Variants in FHIT observed in about 807,000 individuals in gnomAD.
FHIT encodes bis(5'-adenosyl)-triphosphatase.
Under a neutral mutation model 17.9 loss-of-function variants are expected in FHIT, and 19 were observed. That is an observed-to-expected ratio of 1.06 (90% CI 0.74 to 1.56). FHIT has a LOEUF of 1.56. Ranked by LOEUF, FHIT falls within the 40% of genes most tolerant of loss-of-function variation. The pLI is 0.00. For synonymous variants in FHIT, 81 were observed against 69.7 expected, an observed-to-expected ratio of 1.16 and a Z score of -0.81; for missense variants, 248 against 189.2, an observed-to-expected ratio of 1.31 and a Z score of -1.82.
At chr3:60,549,185 AC>A (rs960991167) in intron 4 of FHIT, among the ~76,000 whole-genome samples, 1 of 152,206 alleles carries the variant, frequency 6.6e-6, no homozygotes, top group African/African-American at 2.4e-5. Context: ...AATGCTTATC[AC>A]AAAAATGGTA....
chr3:59,753,281 T>C (rs1701018686), intron 8 of FHIT, among the ~76,000 whole-genome samples: 1 of 152,156 alleles, frequency 6.6e-6, no homozygotes. Context: ...AGAGATTAAA[T>C]GAGAAAACAA....
intron 2 of FHIT, among the ~76,000 whole-genome samples, chr3:61,093,341 A>C (rs1014865735): frequency 6.6e-6 from 1 of 152,180 alleles, no homozygotes; most frequent in Non-Finnish European, 1.5e-5. Context: ...GACATTTGGC[A>C]AGGTCTGGAG....
intron 4 of FHIT, among the ~76,000 whole-genome samples, chr3:60,647,601 G>A (rs985903844): frequency 6.6e-6 from 1 of 152,072 alleles, no homozygotes; most frequent in Non-Finnish European, 1.5e-5. Flanking sequence ...ATAGTCCCCT[G>A]CTCAAAATAA....
chr3:60,628,867 T>A (rs1386868018), intron 4 of FHIT, among the ~76,000 whole-genome samples: 1 of 152,184 alleles, frequency 6.6e-6, no homozygotes, highest in Non-Finnish European at 1.5e-5. Flanking sequence ...GCTCCAGAGC[T>A]GGCAGGCAGA....
intron 4 of FHIT, among the ~76,000 whole-genome samples, chr3:60,807,974 G>A (rs1018445737): frequency 3.3e-5 from 5 of 152,228 alleles, no homozygotes; most frequent in African/African-American, 1.2e-4. Context: ...CTGAAACTGG[G>A]GACCTCATAG....
At chr3:60,887,507 G>A (rs1287886048) in intron 3 of FHIT, among the ~76,000 whole-genome samples, 12 of 151,958 alleles carry the variant, frequency 7.9e-5, no homozygotes, top group Non-Finnish European at 1.6e-4. Context: ...TTAGCCAGGC[G>A]TGGTGGCACA....
chr3:60,551,410 C>T (rs2036542353), intron 4 of FHIT, among the ~76,000 whole-genome samples: 1 of 124,590 alleles, frequency 8.0e-6, no homozygotes, highest in African/African-American at 3.2e-5. Flanking sequence ...CCCTTAAGAA[C>T]AGGACTTCAA....
intron 4 of FHIT, among the ~76,000 whole-genome samples, chr3:60,649,125 C>T (rs190434049): frequency 1.3e-5 from 2 of 152,144 alleles, no homozygotes; most frequent in Admixed American, 6.5e-5. Context: ...CGGCCGGGCG[C>T]GGTGGCTCAC....
At chr3:60,987,937 G>A (rs1000717967) in intron 3 of FHIT, among the ~76,000 whole-genome samples, 1 of 152,092 alleles carries the variant, frequency 6.6e-6, no homozygotes, top group Admixed American at 6.6e-5. Context: ...CAAACATTAG[G>A]CTCTGCCTTC....
At chr3:60,768,374 C>T (rs1699922515) in intron 4 of FHIT, among the ~76,000 whole-genome samples, 1 of 152,036 alleles carries the variant, frequency 6.6e-6, no homozygotes. Flanking sequence ...CTAGAAGGTC[C>T]CCACTGTGGA....
chr3:60,478,768 GAACA>G (rs1205199854), intron 5 of FHIT, among the ~76,000 whole-genome samples: 5 of 152,018 alleles, frequency 3.3e-5, no homozygotes, highest in African/African-American at 9.7e-5. Context: ...TTGCACAAAT[GAACA>G]AATACATGAA....
chr3:60,252,490 G>T (rs9838705), intron 5 of FHIT, among the ~76,000 whole-genome samples: 3 of 152,088 alleles, frequency 2.0e-5, no homozygotes, highest in African/African-American at 4.8e-5. Context: ...TTGAGCATAG[G>T]GGGGTCAAGG....
intron 5 of FHIT, among the ~76,000 whole-genome samples, chr3:60,423,784 T>C (rs904837290): frequency 6.6e-6 from 1 of 152,138 alleles, no homozygotes; most frequent in African/African-American, 2.4e-5. Flanking sequence ...CTAATGTGGC[T>C]TTTCAGGGCA....
intron 5 of FHIT, among the ~76,000 whole-genome samples, chr3:60,418,557 CTT>C (rs11452248): frequency 1.6e-3 from 152 of 95,216 alleles, no homozygotes; most frequent in African/African-American, 5.7e-3. Context: ...TCCCTCCCAA[CTT>C]TTTTTTTTTT....
chr3:60,007,239 A>G (rs554138429), intron 7 of FHIT, among the ~76,000 whole-genome samples: 2 of 152,338 alleles, frequency 1.3e-5, no homozygotes, highest in South Asian at 2.1e-4. Context: ...CATCGCTTCT[A>G]AAGAAATGAA....
chr3:61,035,714 C>T (rs2033205650), intron 3 of FHIT, among the ~76,000 whole-genome samples: 9 of 152,112 alleles, frequency 5.9e-5, no homozygotes, highest in Admixed American at 5.9e-4. Context: ...CCATAAATGA[C>T]ATAACATCTC....
At chr3:60,939,251 C>G (rs1231916518) in intron 3 of FHIT, among the ~76,000 whole-genome samples, 3 of 152,188 alleles carry the variant, frequency 2.0e-5, no homozygotes, top group African/African-American at 7.2e-5. Flanking sequence ...ACCAAAACTT[C>G]TCATTATTTC....
intron 4 of FHIT, among the ~76,000 whole-genome samples, chr3:60,731,199 C>A (rs2042022503): frequency 6.6e-6 from 1 of 152,018 alleles, no homozygotes; most frequent in South Asian, 2.1e-4. Flanking sequence ...CCGAACATAT[C>A]TGAGTCATGC....
At chr3:60,113,955 T>C (rs1477810235) in intron 5 of FHIT, among the ~76,000 whole-genome samples, 1 of 117,318 alleles carries the variant, frequency 8.5e-6, no homozygotes, top group African/African-American at 3.5e-5. Flanking sequence ...TGAGCCGACA[T>C]CGCGCCACAG....
Sources: gnomAD v4.1 joint callset for allele counts (sites outside exome capture counted in the v4.1 genomes callset) on GRCh38, gnomAD v4.1.1 for gene constraint, MANE v1.5 for transcripts, NCBI Gene and HGNC (gene_info 2026-07-23, HGNC 2026-07-21) for gene names.